Variants in FAM13A observed in about 807,000 individuals in gnomAD.
The protein encoded by FAM13A is protein FAM13A.
In FAM13A, 76 loss-of-function variants were observed where a neutral mutation model predicts 129.6. That is an observed-to-expected ratio of 0.59 (90% CI 0.49 to 0.71). The LOEUF (loss-of-function observed/expected upper bound fraction) is 0.71, where lower values mean the gene tolerates loss of function less well. Among genes scored for constraint, FAM13A ranks in the 30% least tolerant of loss-of-function variants. The probability of loss-of-function intolerance (pLI) is 0.00; values close to 1 mark genes in which losing one functional copy is unlikely to be tolerated. For missense variants in FAM13A, 1,108 were observed against 1,249.3 expected, an observed-to-expected ratio of 0.89 and a Z score of 1.70; for synonymous variants, 443 against 449.9, an observed-to-expected ratio of 0.98 and a Z score of 0.20.
At position 88,753,576 on chromosome 4, in the gene FAM13A, C is replaced by T. The variant is rs750050939; in HGVS notation, c.1727-2939G>A. 24 of 505,928 alleles carry T rather than the reference C, an allele frequency of 4.7e-5. No individual in the cohort carries two copies. The Admixed American group carries it at 5.1e-4, about 11-fold the overall frequency. The allele number at this position is 505,928 out of a possible 1,614,324, so 31.3% of individuals were successfully genotyped here. On this transcript the variant is annotated intron_variant, in intron 14 of 23. Transcript: ENST00000264344. ...TCTAATAAAAAGTATGCATGTAGAA[C>T]GGAAGTGAAAGGTTTCTCATCTATG...
chr4:89,028,994 C>T (rs1483090160), intron 2 of FAM13A, among the ~76,000 whole-genome samples: 1 of 152,136 alleles, frequency 6.6e-6, no homozygotes, highest in Admixed American at 6.5e-5. Flanking sequence ...CCCACCACTC[C>T]GCATAGTAAG....
chr4:88,956,123 T>C (rs534103185), intron 4 of FAM13A, among the ~76,000 whole-genome samples: 33 of 152,224 alleles, frequency 2.2e-4, no homozygotes, highest in Non-Finnish European at 3.7e-4. Flanking sequence ...TGTACAGTAA[T>C]GTCCTACGCC....
chr4:88,787,026 G>A (rs1177059147), intron 10 of FAM13A, among the ~76,000 whole-genome samples: 1 of 151,294 alleles, frequency 6.6e-6, no homozygotes, highest in African/African-American at 2.4e-5. Context: ...GAACTTTCAG[G>A]GAAAATATAT....
At chr4:88,942,205 T>A (rs548365456) in intron 4 of FAM13A, among the ~76,000 whole-genome samples, 2 of 152,110 alleles carry the variant, frequency 1.3e-5, no homozygotes, top group African/African-American at 4.8e-5. Context: ...TTCTAAGAGG[T>A]GCACTTGAAT....
intron 6 of FAM13A, among the ~76,000 whole-genome samples, chr4:88,863,466 G>A (rs1579010658): frequency 6.6e-6 from 1 of 152,164 alleles, no homozygotes; most frequent in Non-Finnish European, 1.5e-5. Context: ...TGGTAAGTAT[G>A]GCTAGGGTGC....
chr4:88,853,501 A>G (rs1240586231), intron 6 of FAM13A, among the ~76,000 whole-genome samples: 1 of 152,222 alleles, frequency 6.6e-6, no homozygotes, highest in Non-Finnish European at 1.5e-5. Flanking sequence ...AAGAGTAGAC[A>G]TGAAAAATCA....
At chr4:89,027,073 C>A (rs1184142415) in intron 2 of FAM13A, among the ~76,000 whole-genome samples, 1 of 152,156 alleles carries the variant, frequency 6.6e-6, no homozygotes, top group Non-Finnish European at 1.5e-5. Flanking sequence ...GGATATGTTC[C>A]AAGACTGCCA....
At chr4:88,833,953 T>C (rs941798349) in intron 7 of FAM13A, among the ~76,000 whole-genome samples, 1 of 151,852 alleles carries the variant, frequency 6.6e-6, no homozygotes, top group Non-Finnish European at 1.5e-5. Flanking sequence ...TCTCACTGTG[T>C]CACCCAGGGC....
intron 7 of FAM13A, among the ~76,000 whole-genome samples, chr4:88,817,260 C>T (rs2149806620): frequency 6.6e-6 from 1 of 152,202 alleles, no homozygotes; most frequent in East Asian, 1.9e-4. Context: ...CTCAATAAAG[C>T]TGTTAAAAAA....
At chr4:88,880,091 G>T (rs936652856) in intron 6 of FAM13A, among the ~76,000 whole-genome samples, 2 of 152,034 alleles carry the variant, frequency 1.3e-5, no homozygotes, top group African/African-American at 2.4e-5. Context: ...AAATCCAAGG[G>T]AAGCTCCGAC....
chr4:88,898,391 A>G, intron 6 of FAM13A, among the ~76,000 whole-genome samples: 1 of 152,184 alleles, frequency 6.6e-6, no homozygotes, highest in Non-Finnish European at 1.5e-5. Context: ...AAGTTTGGAC[A>G]TGCAAATATT....
intron 22 of FAM13A, chr4:88,731,671 A>G: frequency 1.9e-6 from 1 of 532,884 alleles, no homozygotes; most frequent in South Asian, 2.8e-5. Context: ...GTGAAATCCC[A>G]TGGCACTTTG....
intron 5 of FAM13A, among the ~76,000 whole-genome samples, chr4:88,916,657 A>C (rs2609259): frequency 0.76 from 115,195 of 152,042 alleles, 43,945 homozygotes; most frequent in Non-Finnish European, 0.79. Context: ...ACTTGCTGTT[A>C]CTTCTGCTTA....
intron 5 of FAM13A, among the ~76,000 whole-genome samples, chr4:88,930,035 AT>A (rs55811745): frequency 9.4e-5 from 14 of 149,252 alleles, no homozygotes; most frequent in Non-Finnish European, 1.5e-4. Flanking sequence ...CACCGAGCTC[AT>A]TTTTTTTTTA....
At chr4:88,923,230 T>C (rs1193076200) in intron 5 of FAM13A, among the ~76,000 whole-genome samples, 1 of 152,154 alleles carries the variant, frequency 6.6e-6, no homozygotes, top group East Asian at 1.9e-4. Flanking sequence ...TACCAAAGCC[T>C]GGCAGAGACA....
At chr4:88,885,455 A>G (rs1744253447) in intron 6 of FAM13A, among the ~76,000 whole-genome samples, 1 of 152,226 alleles carries the variant, frequency 6.6e-6, no homozygotes, top group Non-Finnish European at 1.5e-5. Flanking sequence ...GGCAAGCCAC[A>G]TGTAGAAGAA....
At chr4:88,750,926 A>G (rs10011342) in intron 14 of FAM13A, among the ~76,000 whole-genome samples, 44,574 of 152,076 alleles carry the variant, frequency 0.29, 8,340 homozygotes, top group African/African-American at 0.53. Flanking sequence ...AGCCCAGTCA[A>G]TTAGTGATAA....
chr4:88,798,675 G>A (rs1257622314), intron 8 of FAM13A, among the ~76,000 whole-genome samples: 1 of 152,130 alleles, frequency 6.6e-6, no homozygotes, highest in African/African-American at 2.4e-5. Context: ...TTTTGACATG[G>A]CTTTTCTTTA....
At chr4:88,894,388 A>G (rs1745925548) in intron 6 of FAM13A, among the ~76,000 whole-genome samples, 1 of 152,246 alleles carries the variant, frequency 6.6e-6, no homozygotes, top group Non-Finnish European at 1.5e-5. Flanking sequence ...AAATGAAGCC[A>G]CAGAAGGCAA....
Sources: allele counts gnomAD v4.1 joint callset (sites outside exome capture counted in the v4.1 genomes callset), GRCh38; gene constraint gnomAD v4.1.1; transcripts MANE v1.5; gene names NCBI Gene and HGNC (gene_info 2026-07-23, HGNC 2026-07-21).